TJP3: variants seen among roughly 807,000 people sequenced by gnomAD.
The protein encoded by TJP3 is tight junction protein ZO-3.
TJP3 carries 85 observed loss-of-function variants against 104.2 expected under a neutral mutation model. The ratio of observed to expected loss-of-function variants is 0.82; its 90% confidence interval spans 0.68 to 0.98. The LOEUF is 0.98. Ranked by LOEUF, TJP3 falls within the 50% of genes least tolerant of loss-of-function variation. The pLI, the probability that TJP3 is intolerant of heterozygous loss-of-function variation, is 0.00. For missense variants in TJP3, 1,367 were observed against 1,322.8 expected (o/e 1.03, Z -0.52); for synonymous variants, 550 against 550.6 (o/e 1.00, Z 0.02).
intron 13 of TJP3, among the ~76,000 whole-genome samples, chr19:3,739,440 A>T (rs56281248): frequency 0.21 from 31,758 of 152,164 alleles, 3,434 homozygotes; most frequent in Admixed American, 0.27. Flanking sequence ...CAGTGAGCCG[A>T]GATCACGCCA....
chr19:3,724,309 C>T (rs532545732), intron 1 of TJP3, among the ~76,000 whole-genome samples: 21 of 152,156 alleles, frequency 1.4e-4, no homozygotes, highest in African/African-American at 4.8e-4. Flanking sequence ...CATTCTCCTG[C>T]CTCAGCCTCC....
In TJP3 at chr19:3,747,663, C is replaced by A. The variant is rs374085570; in HGVS notation, c.2323-131C>A. The A allele has an allele frequency of 5.6e-5, 63 of 1,131,822 alleles. 2 individuals are homozygous for A. In the East Asian group the frequency reaches 1.2e-3, roughly 22 times the overall value. 70.1% of individuals were successfully genotyped at this position (1,131,822 alleles called of 1,614,324 possible). A position where few individuals can be genotyped will look rare whatever the true frequency, so the allele number is the denominator to read the frequency against. Reference sequence around the variant, plus strand: ...ACCCATCCTGGAGTCAACAGAGAAGCCTCCACTGAGGCTCCAGGCTCCAGG... The same window carrying A: ...ACCCATCCTGGAGTCAACAGAGAAGACTCCACTGAGGCTCCAGGCTCCAGG... On this transcript the variant is annotated intron_variant, in intron 18 of 20. Coordinates refer to ENST00000541714, the MANE Select transcript of TJP3 (RefSeq NM_001267560.2).
rs146452302 is a variant in TJP3 at position 3,714,945 on chromosome 19, G to A, written c.-10+6384G>A. On this transcript the variant is annotated intron_variant, in intron 1 of 20. Coordinates refer to ENST00000541714, the MANE Select transcript of TJP3 (RefSeq NM_001267560.2). ...CAACAGTTTTGTTGACTGAGTGACT[G>A]AATGCACAGAAGAATTAAGGCACAA... 3.3e-3 allele frequency among the ~76,000 whole-genome samples: 505 copies of A among 152,326 alleles called. 2 individuals carry two copies. The highest frequency in any genetic ancestry group is 4.4e-3 in the Admixed American group (68 of 15,290).
intron 11 of TJP3, among the ~76,000 whole-genome samples, chr19:3,736,962 C>A (rs535164878): frequency 1.3e-5 from 2 of 151,148 alleles, no homozygotes; most frequent in African/African-American, 4.9e-5. Flanking sequence ...TCACTGCAAC[C>A]TCCGCCTCCC....
intron 10 of TJP3, 63 bp from the exon 11 acceptor site, chr19:3,736,102 A>G: frequency 6.4e-7 from 1 of 1,564,782 alleles, no homozygotes; most frequent in South Asian, 1.2e-5. Flanking sequence ...TCCCAAGGAC[A>G]ATGCTGAGCC....
At chr19:3,742,575 G>T (rs927666124) in intron 14 of TJP3, among the ~76,000 whole-genome samples, 4 of 145,800 alleles carry the variant, frequency 2.7e-5, no homozygotes, top group Non-Finnish European at 6.0e-5. Flanking sequence ...ACAGGGGTGG[G>T]TGGATGGACC....
chr19:3,728,324 G>A (rs910806169), intron 1 of TJP3, 100 bp from the exon 2 acceptor site: 30 of 1,585,416 alleles, frequency 1.9e-5, no homozygotes, highest in Non-Finnish European at 2.4e-5. Flanking sequence ...CCAAACACAG[G>A]CCTGTCAGAG....
At chr19:3,721,990 AC>A in intron 1 of TJP3, 1 of 811,322 alleles carries the variant, frequency 1.2e-6, no homozygotes. Flanking sequence ...TGGGAGTCGG[AC>A]CCAGGACCCC....
chr19:3,741,617 ACT>A (rs1455677373), intron 14 of TJP3, among the ~76,000 whole-genome samples: 2 of 128,804 alleles, frequency 1.6e-5, no homozygotes, highest in Non-Finnish European at 1.6e-5. Flanking sequence ...ACAGATTGAC[ACT>A]GTCTTCAAAA....
At chr19:3,731,890 C>T (rs374097468) in intron 5 of TJP3, 45 bp from the exon 6 acceptor site, 2 of 1,553,392 alleles carry the variant, frequency 1.3e-6, no homozygotes, top group Non-Finnish European at 1.8e-6. Flanking sequence ...TCCCAGGCAC[C>T]CGTCTCCAGA....
chr19:3,747,956 C>A lies in TJP3; in HGVS notation c.2485C>A (p.Pro829Thr). The A allele has an allele frequency of 1.2e-6, 2 of 1,612,950 alleles. No homozygotes were observed. The highest frequency in any genetic ancestry group is 1.7e-6 in the Non-Finnish European group (2 of 1,179,842). The change falls in exon 19 of 21, where the codon CCC (proline) becomes ACC (threonine). Residue 829 changes from proline (P) to threonine (T), a missense_variant. Coordinates refer to ENST00000541714, the MANE Select transcript of TJP3 (RefSeq NM_001267560.2). ...GGGCTACACAGACGGCGAGGGGGGG[C>A]CCTACACGGATGTGGATGATGAGCC... ...GEGYTDGEGG[P>T]YTDVDDEPPA... is the part of the protein sequence containing the mutation.
intron 1 of TJP3, among the ~76,000 whole-genome samples, chr19:3,722,464 C>T (rs892916877): frequency 6.6e-6 from 1 of 151,520 alleles, no homozygotes; most frequent in Non-Finnish European, 1.5e-5. Flanking sequence ...TACAAGGCTG[C>T]ACGAGGGAGC....
rs1173488772 is a variant in TJP3, at chr19:3,738,597, G to C, written c.1327G>C (p.Val443Leu). ...CCAGAACCTGACACGGGAGGAGGCA[G>C]TGCAGTTCCTGCTGGGGCTGCCACC... The part of the protein sequence containing the change: ...PFQNLTREEA[V>L]QFLLGLPPGE... The change falls in exon 12 of 21, where the codon GTG becomes CTG. Residue 443 changes from valine to leucine, a missense_variant. By Grantham distance (32) the Val-to-Leu change is conservative. Transcript: ENST00000541714. 2 of 1,614,050 alleles carry C rather than the reference G, an allele frequency of 1.2e-6. No homozygotes were observed. Among genetic ancestry groups the C allele is most frequent in the South Asian group, 1.1e-5 (1 of 91,072 alleles).
At chr19:3,721,205 C>CT (rs939767663) in intron 1 of TJP3, among the ~76,000 whole-genome samples, 2 of 152,150 alleles carry the variant, frequency 1.3e-5, no homozygotes, top group African/African-American at 4.8e-5. Context: ...CGGCCCTGCC[C>CT]TGCCCCCTTT....
intron 12 of TJP3, 37 bp downstream of exon 12, chr19:3,738,700 C>T (rs760579950): frequency 7.6e-6 from 12 of 1,571,126 alleles, no homozygotes; most frequent in African/African-American, 1.4e-5. Context: ...CTGTGTGTTG[C>T]GGGGGGAGGA....
intron 14 of TJP3, among the ~76,000 whole-genome samples, chr19:3,742,156 G>A (rs1037475957): frequency 6.6e-6 from 1 of 152,024 alleles, no homozygotes; most frequent in Non-Finnish European, 1.5e-5. Context: ...TTCTTTGACC[G>A]GGCGTGGTGG....
At position 3,730,914 on chromosome 19, in the gene TJP3, C is replaced by T. The variant is rs2036663617; in HGVS notation, c.613+208C>T. 6.6e-6 allele frequency among the ~76,000 whole-genome samples: 1 copy of T among 152,190 alleles called. No homozygotes were observed. Among genetic ancestry groups the T allele is most frequent in the Admixed American group, 6.5e-5 (1 of 15,272 alleles). On this transcript the variant is annotated intron_variant, in intron 5 of 20. Coordinates refer to ENST00000541714, the MANE Select transcript of TJP3 (RefSeq NM_001267560.2). The surrounding 1 kb of genome is among the most constrained non-coding windows in gnomAD (Gnocchi z 7.3). ...AAGGATGGTTTCGAATTCTTGACCT[C>T]AGGTGATTCACCCACCTCGGCCTCC... is the stretch of plus-strand genomic sequence containing the variant.
intron 1 of TJP3, among the ~76,000 whole-genome samples, chr19:3,718,469 G>A (rs1165452275): frequency 7.1e-6 from 1 of 140,044 alleles, no homozygotes; most frequent in Non-Finnish European, 1.6e-5. Flanking sequence ...TTTTTTTTTG[G>A]GGTGGTGGGG....
At chr19:3,739,775 A>T (rs1018616282) in intron 13 of TJP3, among the ~76,000 whole-genome samples, 5 of 152,114 alleles carry the variant, frequency 3.3e-5, no homozygotes, top group Non-Finnish European at 5.9e-5. Context: ...GAGGGGCCGC[A>T]TCCCTCAGCT....
Sources: gnomAD v4.1 joint callset for allele counts (sites outside exome capture counted in the v4.1 genomes callset) on GRCh38, gnomAD v4.1.1 for gene constraint, Gnocchi (gnomAD v3.1) non-coding constraint, MANE v1.5 for transcripts, NCBI Gene and HGNC (gene_info 2026-07-23, HGNC 2026-07-21) for gene names.